The following ZNF7 variants were observed in gnomAD, a reference collection of about 807,000 sequenced individuals.
ZNF7 encodes the protein C2-H2 type zinc finger protein.
In ZNF7, 10 loss-of-function variants were observed where a neutral mutation model predicts 12.0. The observed-to-expected ratio is 0.83, with a 90% CI of 0.51 to 1.42. ZNF7 has a LOEUF of 1.42. Among genes scored for constraint, ZNF7 ranks in the 40% most tolerant of loss-of-function variants. The pLI is 0.00. For synonymous variants in ZNF7, 334 were observed against 295.0 expected (o/e 1.13, Z -1.35); for missense variants, 854 against 837.2 (o/e 1.02, Z -0.25).
intron 4 of ZNF7, 90 bp downstream of exon 4, chr8:144,837,597 G>A (rs1735165): frequency 0.34 from 316,191 of 941,100 alleles, 56,674 homozygotes; most frequent in South Asian, 0.45. Context: ...TGGGTGAGTC[G>A]CGGGGGCTAC....
At chr8:144,845,906 A>C, downstream of ZNF7, 1 of 1,443,196 alleles carries the variant, frequency 6.9e-7, no homozygotes, top group South Asian at 1.3e-5. Flanking sequence ...GGGTCTTGGC[A>C]GGTAATGTGC....
In ZNF7 at chr8:144,842,790, C is replaced by T; in HGVS notation, c.1683C>T (p.Ala561=). The T allele has an allele frequency of 4.3e-6, 7 of 1,614,172 alleles. No homozygotes were observed. The highest frequency in any genetic ancestry group is 5.9e-6 in the Non-Finnish European group (7 of 1,180,044). The change falls in exon 5 of 5, where the codon GCC becomes GCT. Residue 561 remains alanine (A), a synonymous_variant. Coordinates refer to ENST00000532777, the MANE Select transcript of ZNF7 (RefSeq NM_003416.4). Reference sequence around the variant, plus strand: ...ATAAATGTAATGAATGTGGGAAAGCCTTCAGTCAAAACTCAACCCTTTTCC... The same window carrying T: ...ATAAATGTAATGAATGTGGGAAAGCTTTCAGTCAAAACTCAACCCTTTTCC... ...RPYKCNECGK[A]FSQNSTLFQH... is the part of the protein sequence containing the mutation.
At chr8:144,829,898 G>T (rs188268513) in intron 3 of ZNF7, 1 of 245,442 alleles carries the variant, frequency 4.1e-6, no homozygotes. Flanking sequence ...CAAGAAAAGA[G>T]AAATTATTGG....
chr8:144,840,881 G>T (rs528139357), intron 4 of ZNF7, among the ~76,000 whole-genome samples: 1 of 152,172 alleles, frequency 6.6e-6, no homozygotes, highest in Non-Finnish European at 1.5e-5. Context: ...CTGAGCTCAC[G>T]TAGTAAGTCC....
rs1314971081 is a variant in ZNF7 at position 144,843,633 on chromosome 8, G to GTTTA, written c.*469_*472dup. The GTTTA allele has an allele frequency of 2.0e-5, 3 of 150,510 alleles. No homozygotes were observed. Among genetic ancestry groups the GTTTA allele is most frequent in the Admixed American group, 6.6e-5 (1 of 15,062 alleles). 9.3% of individuals were successfully genotyped at this position (150,510 alleles called of 1,614,324 possible). On this transcript the variant is annotated 3_prime_UTR_variant, in exon 5 of 5. Transcript: ENST00000532777. ...AAATCCAACTTCATACAAAATGTAT[G>GTTTA]TTTATTTCCTGAAATGTTTGACCTT...
downstream of ZNF7, chr8:144,846,470 G>A: frequency 3.2e-6 from 1 of 308,974 alleles, no homozygotes; most frequent in Non-Finnish European, 6.1e-6. Flanking sequence ...GCCTCTGGCG[G>A]CTTTCTTGCT....
In ZNF7 at chr8:144,843,329, C is replaced by A; in HGVS notation, c.*161C>A. ...TTCAGGCCGAGTGTGGTGGCTTATG[C>A]CTGTCATCCCAGCACTTTGGGAGGC... On this transcript the variant is annotated 3_prime_UTR_variant, in exon 5 of 5. Transcript: ENST00000532777. 1.2e-6 allele frequency: 1 copy of A among 856,664 alleles called. No individual in the cohort carries two copies. The highest frequency in any genetic ancestry group is 1.7e-6 in the Non-Finnish European group (1 of 587,776). The allele number at this position is 856,664 out of a possible 1,614,324, so 53.1% of individuals were successfully genotyped here.
In ZNF7 at chr8:144,843,381, AGGTT is replaced by A; in HGVS notation, c.*215_*218del. 1 of 507,194 alleles carries A rather than the reference AGGTT, an allele frequency of 2.0e-6. No individual in the cohort carries two copies. The highest frequency in any genetic ancestry group is 3.3e-6 in the Non-Finnish European group (1 of 298,942). The allele number at this position is 507,194 out of a possible 1,614,324, so 31.4% of individuals were successfully genotyped here. ...AAGGCGGGCACATCACGAGGTCAGG[AGGTT>A]GAGACCATCCTGGGTAACAGGTGAA... On this transcript the variant is annotated 3_prime_UTR_variant, in exon 5 of 5. Coordinates refer to ENST00000532777, the MANE Select transcript of ZNF7 (RefSeq NM_003416.4).
At position 144,843,384 on chromosome 8, in the gene ZNF7, T is replaced by C; in HGVS notation, c.*216T>C. ...GCGGGCACATCACGAGGTCAGGAGG[T>C]TGAGACCATCCTGGGTAACAGGTGA... On this transcript the variant is annotated 3_prime_UTR_variant, in exon 5 of 5. Transcript: ENST00000532777. 2 of 497,458 alleles carry C rather than the reference T, an allele frequency of 4.0e-6. No homozygotes were observed. The highest frequency in any genetic ancestry group is 6.8e-6 in the Non-Finnish European group (2 of 292,718). 30.8% of individuals were successfully genotyped at this position (497,458 alleles called of 1,614,324 possible).
At position 144,842,158 on chromosome 8, in the gene ZNF7, A is replaced by T. The variant is rs1478131698; in HGVS notation, c.1051A>T (p.Arg351Ter). 2 of 1,613,494 alleles carry T rather than the reference A, an allele frequency of 1.2e-6. No homozygotes were observed. The highest frequency in any genetic ancestry group is 1.7e-5 in the Admixed American group (1 of 59,962). Residue 351 changes from arginine (R) to a stop codon, truncating the protein, a stop_gained, in exon 5 of 5, where the codon AGA (arginine) becomes TGA (stop). Coordinates refer to ENST00000532777, the MANE Select transcript of ZNF7 (RefSeq NM_003416.4). LOFTEE classifies it low-confidence loss of function (END_TRUNC). ...CTTCAGCCAGCAGTCGCAGCTGGTT[A>T]GACACCAGAGAACTCACACTGGGGA... ...KAFSQQSQLVRHQRTHTGERP... is the reference protein window; with the variant it reads ...KAFSQQSQLV
intron 3 of ZNF7, 174 bp downstream of exon 3, chr8:144,829,778 T>C (rs1828218219): frequency 2.6e-6 from 2 of 779,112 alleles, no homozygotes; most frequent in Admixed American, 6.8e-5. Flanking sequence ...GCCCATGTCA[T>C]GGGGTTCAGC....
intron 1 of ZNF7, 189 bp downstream of exon 1, chr8:144,827,798 C>T (rs1586780403): frequency 3.2e-6 from 2 of 631,060 alleles, no homozygotes; most frequent in Admixed American, 1.3e-4. Flanking sequence ...CCACCCTCCC[C>T]CGCGGCGGCG....
chr8:144,846,433 T>C, downstream of ZNF7: 1 of 405,556 alleles, frequency 2.5e-6, no homozygotes, highest in East Asian at 4.0e-5. Flanking sequence ...GTCCCTGGGC[T>C]TGGTGATGCC....
intron 3 of ZNF7, chr8:144,829,855 GAGAAAT>G (rs1187666827): frequency 2.8e-6 from 1 of 361,354 alleles, no homozygotes; most frequent in Non-Finnish European, 4.9e-6. Flanking sequence ...GTTAAATTGT[GAGAAAT>G]AGAATCCAAA....
chr8:144,841,819 G>C lies in ZNF7; in HGVS notation c.712G>C (p.Gly238Arg). The change falls in exon 5 of 5, where the codon GGG (glycine) becomes CGG (arginine). Residue 238 changes from glycine (G) to arginine (R), a missense_variant. By Grantham distance (125) the Gly-to-Arg change is moderately radical. Transcript: ENST00000532777. ...AAAAAAGTTATCTGACTGCTTGCAG[G>C]GGAAACATACAAATAACTGCCATGG... ...CQKKLSDCLQGKHTNNCHGEK... is the reference protein window; with the variant it reads ...CQKKLSDCLQRKHTNNCHGEK... 1 of 1,614,180 alleles carries C rather than the reference G, an allele frequency of 6.2e-7. No homozygotes were observed. Among genetic ancestry groups the C allele is most frequent in the Non-Finnish European group, 8.5e-7 (1 of 1,180,044 alleles).
Position 144,837,450 on chromosome 8 carries a change from T to C in ZNF7, c.190T>C (p.Trp64Arg). 1 of 1,613,202 alleles carries C rather than the reference T, an allele frequency of 6.2e-7. No individual in the cohort carries two copies. The highest frequency in any genetic ancestry group is 8.5e-7 in the Non-Finnish European group (1 of 1,179,272). The change falls in exon 4 of 5, where the codon TGG becomes CGG. Residue 64 changes from tryptophan to arginine, a missense_variant. Transcript: ENST00000532777. ...ISRLEQGEEPWVLDLQGAEGT... is the reference protein window; with the variant it reads ...ISRLEQGEEPRVLDLQGAEGT... ...TCGGCTGGAGCAGGGAGAAGAGCCA[T>C]GGGTCCTCGACCTGCAGGGAGCAGA...
rs554715752 is a variant in ZNF7 at position 144,829,337 on chromosome 8, C to T, written c.4-141C>T. The T allele has an allele frequency of 2.7e-5, 41 of 1,545,150 alleles. No individual in the cohort carries two copies. In the South Asian group the frequency reaches 4.9e-4, roughly 19 times the overall value. ...TTCCTCCTCCCCGAGACTGCCCCTC[C>T]CCAGAATATTAGAGGCAGAGGAGTC... On this transcript the variant is annotated intron_variant, in intron 2 of 4. Coordinates refer to ENST00000532777, the MANE Select transcript of ZNF7 (RefSeq NM_003416.4).
In ZNF7 at chr8:144,841,533, A is replaced by G; in HGVS notation, c.426A>G (p.Lys142=). 1 of 1,614,184 alleles carries G rather than the reference A, an allele frequency of 6.2e-7. No homozygotes were observed. The highest frequency in any genetic ancestry group is 8.5e-7 in the Non-Finnish European group (1 of 1,180,038). ...GTCATCTGGGCAGTCCCGGGCTGAA[A>G]GTGACAGGCTTTACCTTCCAAAATA... ...LDSHLGSPGL[K]VTGFTFQNNC... The change falls in exon 5 of 5, where the codon AAA becomes AAG. Residue 142 remains lysine, a synonymous_variant. Coordinates refer to ENST00000532777, the MANE Select transcript of ZNF7 (RefSeq NM_003416.4).
At chr8:144,839,787 A>G (rs1829619465) in intron 4 of ZNF7, among the ~76,000 whole-genome samples, 1 of 152,202 alleles carries the variant, frequency 6.6e-6, no homozygotes, top group African/African-American at 2.4e-5. Context: ...CAGATACTGA[A>G]AGATATTGGC....
Sources: gnomAD v4.1 joint callset for allele counts (sites outside exome capture counted in the v4.1 genomes callset) on GRCh38, gnomAD v4.1.1 for gene constraint, MANE v1.5 for transcripts, NCBI Gene and HGNC (gene_info 2026-07-23, HGNC 2026-07-21) for gene names.